PTPRN2: variants seen among roughly 807,000 people sequenced by gnomAD.
PTPRN2 encodes protein tyrosine phosphatase receptor type N2.
Under a neutral mutation model 118.8 loss-of-function variants are expected in PTPRN2, and 74 were observed. The ratio of observed to expected loss-of-function variants is 0.62; its 90% CI spans 0.52 to 0.76. The LOEUF (loss-of-function observed/expected upper bound fraction) is 0.76, where lower values mean the gene tolerates loss of function less well. Among genes scored for constraint, PTPRN2 ranks in the 30% least tolerant of loss-of-function variants. PTPRN2 has a pLI of 0.00. For synonymous variants in PTPRN2, 641 were observed against 608.0 expected, an observed-to-expected ratio of 1.05 and a Z score of -0.80; for missense variants, 1,481 against 1,394.4, an observed-to-expected ratio of 1.06 and a Z score of -0.99.
intron 2 of PTPRN2, among the ~76,000 whole-genome samples, chr7:158,434,990 C>T (rs1321658600): frequency 6.6e-6 from 1 of 152,096 alleles, no homozygotes; most frequent in Non-Finnish European, 1.5e-5. Flanking sequence ...AACACCTGAA[C>T]CTGTAAACCG....
At chr7:157,715,364 C>T (rs77530563) in intron 12 of PTPRN2, among the ~76,000 whole-genome samples, 37,791 of 152,098 alleles carry the variant, frequency 0.25, 5,618 homozygotes, top group Non-Finnish European at 0.34. Context: ...CCAGTCCCCC[C>T]GCTACCATAA....
intron 12 of PTPRN2, among the ~76,000 whole-genome samples, chr7:157,807,661 C>G (rs1303455302): frequency 6.6e-6 from 1 of 152,218 alleles, no homozygotes; most frequent in African/African-American, 2.4e-5. Context: ...GCTGACAAAT[C>G]CTTCACATCC....
intron 12 of PTPRN2, among the ~76,000 whole-genome samples, chr7:157,796,322 G>A (rs761834108): frequency 1.3e-5 from 2 of 152,158 alleles, no homozygotes; most frequent in East Asian, 1.9e-4. Context: ...ATTCATTCCC[G>A]AATCTCACAT....
chr7:158,317,705 T>C (rs1193750020), intron 2 of PTPRN2, among the ~76,000 whole-genome samples: 1 of 152,244 alleles, frequency 6.6e-6, no homozygotes, highest in South Asian at 2.1e-4. Flanking sequence ...GGCGGCCATC[T>C]GCAGCTTCGG....
intron 11 of PTPRN2, among the ~76,000 whole-genome samples, chr7:158,075,404 G>A (rs1411983888): frequency 6.6e-6 from 1 of 152,054 alleles, no homozygotes; most frequent in Non-Finnish European, 1.5e-5. Context: ...CAGGGGAGGC[G>A]CTCCCGTGCA....
intron 2 of PTPRN2, among the ~76,000 whole-genome samples, chr7:158,466,644 C>A (rs1421993669): frequency 6.6e-6 from 1 of 152,328 alleles, no homozygotes. Context: ...GTGCAGACAC[C>A]TCTTCTGCCC....
At chr7:157,709,058 C>T (rs1159098577) in intron 12 of PTPRN2, among the ~76,000 whole-genome samples, 1 of 152,212 alleles carries the variant, frequency 6.6e-6, no homozygotes, top group Non-Finnish European at 1.5e-5. Flanking sequence ...GGCAGAGGAG[C>T]GAGCCGAGAG....
chr7:157,844,913 T>C (rs1170818862), intron 12 of PTPRN2, among the ~76,000 whole-genome samples: 2 of 152,172 alleles, frequency 1.3e-5, no homozygotes, highest in African/African-American at 4.8e-5. Context: ...TCTCTTTTGT[T>C]TTGTTATTTC....
At chr7:158,512,518 TCA>T (rs754491240) in intron 1 of PTPRN2, among the ~76,000 whole-genome samples, 37 of 152,132 alleles carry the variant, frequency 2.4e-4, no homozygotes, top group African/African-American at 8.4e-4. Context: ...TTCCTAGATC[TCA>T]CAGTCACACC....
At chr7:158,140,316 C>CA (rs534375653) in intron 6 of PTPRN2, among the ~76,000 whole-genome samples, 10 of 152,282 alleles carry the variant, frequency 6.6e-5, no homozygotes, top group Non-Finnish European at 1.3e-4. Flanking sequence ...AAGTCTTTTC[C>CA]AAAAGGACAT....
At chr7:158,492,200 T>C (rs1306930645) in intron 1 of PTPRN2, among the ~76,000 whole-genome samples, 2 of 152,212 alleles carry the variant, frequency 1.3e-5, no homozygotes, top group Non-Finnish European at 2.9e-5. Flanking sequence ...GTTAGTCCGA[T>C]GTCGTGGAAC....
At chr7:157,910,726 G>A (rs955936888) in intron 11 of PTPRN2, among the ~76,000 whole-genome samples, 3 of 152,194 alleles carry the variant, frequency 2.0e-5, no homozygotes, top group Non-Finnish European at 4.4e-5. Context: ...GTGTGTGTGC[G>A]AGCGCGCGTG....
At chr7:158,201,861 T>C (rs774505293) in intron 4 of PTPRN2, among the ~76,000 whole-genome samples, 59 of 152,204 alleles carry the variant, frequency 3.9e-4, no homozygotes, top group Non-Finnish European at 7.6e-4. Context: ...GATTGATGTC[T>C]CACGCCTCCC....
chr7:158,524,347 ACCCTGGAGTGGAGTCATCTG>A (rs1563394682), intron 1 of PTPRN2, among the ~76,000 whole-genome samples: 9 of 38,266 alleles, frequency 2.4e-4, no homozygotes, highest in South Asian at 2.3e-3. Context: ...GGAGTCGTCT[ACCCTGGAGTGGAGTCATCTG>A]CCCTGGAGTG....
At chr7:158,419,617 C>A (rs1272380785) in intron 2 of PTPRN2, among the ~76,000 whole-genome samples, 3 of 152,142 alleles carry the variant, frequency 2.0e-5, no homozygotes, top group Non-Finnish European at 4.4e-5. Flanking sequence ...ACGCCAGGAG[C>A]CTCACCACGC....
rs766991239 is a variant in PTPRN2 at position 157,903,839 on chromosome 7, G to A, written c.1724-5102C>T. Among the ~76,000 whole-genome samples the A allele has an allele frequency of 7.9e-5, 12 of 152,096 alleles. No homozygotes were observed. The highest frequency in any genetic ancestry group is 1.9e-4 in the East Asian group (1 of 5,184). The stretch of plus-strand genomic sequence containing the variant: ...GCAAGCGCTTCCCACACTTCAATCC[G>A]TCTCCCCATCCAGGCTGTGGATTTC... On this transcript the variant is annotated intron_variant, in intron 11 of 22. Transcript: ENST00000389418. The surrounding 1 kb of genome is among the most constrained non-coding windows in gnomAD (Gnocchi z 4.2).
chr7:158,502,826 A>T (rs1292000774), intron 1 of PTPRN2, among the ~76,000 whole-genome samples: 2 of 151,980 alleles, frequency 1.3e-5, no homozygotes, highest in Non-Finnish European at 1.5e-5. Context: ...TGTGTCCATC[A>T]ACTACTGTGT....
At chr7:158,146,400 G>C (rs908344996) in intron 6 of PTPRN2, among the ~76,000 whole-genome samples, 1 of 152,048 alleles carries the variant, frequency 6.6e-6, no homozygotes, top group African/African-American at 2.4e-5. Context: ...CATCTATTGT[G>C]ATCAAAGCCT....
chr7:157,793,970 G>A (rs115274890), intron 12 of PTPRN2, among the ~76,000 whole-genome samples: 4,536 of 152,204 alleles, frequency 0.03, 249 homozygotes, highest in African/African-American at 0.1. Context: ...CTGAGGCCAC[G>A]CTGAGGGCCC....
Sources: allele counts gnomAD v4.1 joint callset (sites outside exome capture counted in the v4.1 genomes callset), GRCh38; gene constraint gnomAD v4.1.1; non-coding constraint Gnocchi (gnomAD v3.1); transcripts MANE v1.5; gene names NCBI Gene and HGNC (gene_info 2026-07-23, HGNC 2026-07-21).